The following STIL variants were observed in gnomAD, a reference collection of about 807,000 sequenced individuals.
STIL encodes SCL-interrupting locus protein.
A neutral mutation model predicts 110.1 loss-of-function variants in STIL; 55 were observed. That is an observed-to-expected ratio of 0.50 (90% CI 0.40 to 0.63). The LOEUF (loss-of-function observed/expected upper bound fraction) is 0.63, where lower values mean the gene tolerates loss of function less well. Among genes scored for constraint, STIL ranks in the 20% least tolerant of loss-of-function variants. The pLI is 0.00. For synonymous variants in STIL, 481 were observed against 530.0 expected (o/e 0.91, Z 1.27); for missense variants, 1,358 against 1,530.0 (o/e 0.89, Z 1.87).
intron 14 of STIL, among the ~76,000 whole-genome samples, chr1:47,263,744 GTTTTTTTTTT>G (rs60915271): frequency 2.5e-4 from 25 of 98,304 alleles, no homozygotes; most frequent in Non-Finnish European, 3.4e-4. Context: ...TTCATTCCAA[GTTTTTTTTTT>G]TTTTTTTTTT....
chr1:47,274,702 T>TA (rs1177801134), intron 12 of STIL, among the ~76,000 whole-genome samples: 1,988 of 137,770 alleles, frequency 0.014, 41 homozygotes, highest in African/African-American at 0.047. Context: ...TCTTCTCCAT[T>TA]AAAAAAAAAA....
chr1:47,276,290 C>T (rs1644989079), intron 12 of STIL, among the ~76,000 whole-genome samples: 1 of 151,952 alleles, frequency 6.6e-6, no homozygotes, highest in Non-Finnish European at 1.5e-5. Context: ...GTGTGAGCCA[C>T]CGCACCTGGT....
chr1:47,263,000 T>C lies in STIL; in HGVS notation c.2732A>G (p.Asn911Ser). ...TGGTTCCTCTGATGTTTCAGAATTGTTACTGGCACCCCCTGTTGGTCCAGT... is the reference window on the plus strand; with the variant it reads ...TGGTTCCTCTGATGTTTCAGAATTGCTACTGGCACCCCCTGTTGGTCCAGT... ...LQTGPTGGASNNSETSEEPKI... is the reference protein window; with the variant it reads ...LQTGPTGGASSNSETSEEPKI... Residue 911 changes from asparagine (N) to serine (S), a missense_variant, in exon 15 of 17, where the codon AAC becomes AGC. Asn to Ser is a conservative substitution (Grantham distance 46). Transcript: ENST00000371877. 6.2e-7 allele frequency: 1 copy of C among 1,614,216 alleles called. No individual in the cohort carries two copies.
intron 3 of STIL, 121 bp downstream of exon 3, chr1:47,304,768 G>A: frequency 1.3e-6 from 1 of 797,106 alleles, no homozygotes; most frequent in East Asian, 2.7e-5. Flanking sequence ...CCTGAGGGGA[G>A]ATTCTAAAAG....
Position 47,311,283 on chromosome 1 carries a change from C to CTTT in STIL, c.-43-924_-43-922dup, listed in dbSNP as rs536667689. The stretch of plus-strand genomic sequence containing the variant: ...CAAATCCATTTTCTTTTCTTTTTTT[C>CTTT]TTTTTTTTTTTTTTTTGAAACAGGG... On this transcript the variant is annotated intron_variant, in intron 1 of 16. Transcript: ENST00000371877. Among the ~76,000 whole-genome samples the CTTT allele has an allele frequency of 2.7e-3, 354 of 132,204 alleles. 6 individuals carry two copies. The highest frequency in any genetic ancestry group is 9.7e-3 in the African/African-American group (344 of 35,500). 86.7% of individuals were successfully genotyped at this position (132,204 alleles called of 152,430 possible).
chr1:47,299,478 C>T (rs1432116940), intron 6 of STIL, among the ~76,000 whole-genome samples: 2 of 151,076 alleles, frequency 1.3e-5, no homozygotes, highest in South Asian at 2.1e-4. Flanking sequence ...TTGCAACCTC[C>T]ACCTCCCAGG....
In STIL at chr1:47,262,787, A is replaced by G. The variant is rs55740910; in HGVS notation, c.2829+116T>C. ...AAAGAAAAATTACATTGTTAATTAG[A>G]CAAAAAATCTTTTTATCTTAAGGTC... is the stretch of plus-strand genomic sequence containing the variant. On this transcript the variant is annotated intron_variant, in intron 15 of 16. Transcript: ENST00000371877. 7.4e-4 allele frequency: 675 copies of G among 912,604 alleles called. 1 individual carries two copies. The African/African-American group carries it at 0.01, about 14-fold the overall frequency. 56.5% of individuals were successfully genotyped at this position (912,604 alleles called of 1,614,324 possible). A position where few individuals can be genotyped will look rare whatever the true frequency, so the allele number is the denominator to read the frequency against.
chr1:47,301,832 C>T (rs1215390908), intron 4 of STIL, 84 bp from the exon 5 acceptor site: 2 of 1,284,636 alleles, frequency 1.6e-6, no homozygotes, highest in East Asian at 2.4e-5. Context: ...TATAGCAAAG[C>T]ACTTTGTTCA....
chr1:47,288,655 T>C (rs1645378404), intron 9 of STIL, among the ~76,000 whole-genome samples: 1 of 152,032 alleles, frequency 6.6e-6, no homozygotes, highest in African/African-American at 2.4e-5. Flanking sequence ...TTTTATTAGA[T>C]GATATAGTAA....
At chr1:47,282,724 G>A in intron 10 of STIL, 1 of 396,974 alleles carries the variant, frequency 2.5e-6, no homozygotes, top group Non-Finnish European at 4.7e-6. Flanking sequence ...TCAAGTCACT[G>A]GGCACCCTCT....
rs776739635 is a variant in STIL at position 47,301,547 on chromosome 1, T to G, written c.453+14A>C. 2 of 1,611,252 alleles carry G rather than the reference T, an allele frequency of 1.2e-6. No individual in the cohort carries two copies. Among genetic ancestry groups the G allele is most frequent in the Non-Finnish European group, 1.7e-6 (2 of 1,178,230 alleles). ...TTGTGTTGAATTAACTATCAAGTTGTCAATGAATCGCACCTTTAAAGCTGA... is the reference window on the plus strand; with the variant it reads ...TTGTGTTGAATTAACTATCAAGTTGGCAATGAATCGCACCTTTAAAGCTGA... On this transcript the variant is annotated intron_variant, in intron 5 of 16. Transcript: ENST00000371877.
rs1395806614 is a variant in STIL, at chr1:47,281,049, T to C, written c.1409A>G (p.Tyr470Cys). ...AACTTCTGGACTGTGTTTCTCATCA[T>C]AAAGCTGGGGTTGCAATGGCTTCAA... ...EHLKPLQPQL[Y>C]DEKHSPEVEA... Residue 470 changes from tyrosine to cysteine, a missense_variant, in exon 12 of 17, where the codon TAT becomes TGT. Tyr to Cys is a radical substitution (Grantham distance 194). Transcript: ENST00000371877. The C allele has an allele frequency of 1.2e-6, 2 of 1,614,162 alleles. No homozygotes were observed. The highest frequency in any genetic ancestry group is 1.3e-5 in the African/African-American group (1 of 75,052).
At chr1:47,268,666 G>T (rs1305967051) in intron 14 of STIL, among the ~76,000 whole-genome samples, 1 of 151,834 alleles carries the variant, frequency 6.6e-6, no homozygotes, top group Non-Finnish European at 1.5e-5. Context: ...GCTGAGGCAG[G>T]AGAATCACTT....
Position 47,289,604 on chromosome 1 carries a change from T to C in STIL, c.873-19A>G. ...AAAAACCCTGCACAAAAAAAGTCAT[T>C]TAATTAAAATTTAATGAGGATAACA... On this transcript the variant is annotated intron_variant, in intron 8 of 16. Transcript: ENST00000371877. The C allele has an allele frequency of 6.3e-7, 1 of 1,599,896 alleles. No individual in the cohort carries two copies. The highest frequency in any genetic ancestry group is 8.6e-7 in the Non-Finnish European group (1 of 1,167,566).
chr1:47,272,298 A>G, intron 12 of STIL, 57 bp from the exon 13 acceptor site: 1 of 1,585,546 alleles, frequency 6.3e-7, no homozygotes. Context: ...CAAAACTGGC[A>G]GCAGTTTAAT....
rs781252642 is a variant in STIL at position 47,301,680 on chromosome 1, T to C, written c.334A>G (p.Ile112Val). 2.2e-5 allele frequency: 35 copies of C among 1,613,968 alleles called. No individual in the cohort carries two copies. The South Asian group carries it at 3.8e-4, about 18-fold the overall frequency. The change falls in exon 5 of 17, where the codon ATA becomes GTA. Residue 112 changes from isoleucine to valine, a missense_variant. Physicochemically the swap from Ile to Val is conservative, Grantham distance 29. Transcript: ENST00000371877. ...CCAGGAAGAGAAGCAGTAGGGGTTA[T>C]TTCTAGGCATTCAGGTACTTCTCGA... ...PGREVPECLE[I>V]TPTASLPGDF...
At chr1:47,254,180 CAAAAAAAAAAAAAAAAA>C (rs59259774) in intron 16 of STIL, among the ~76,000 whole-genome samples, 1 of 61,408 alleles carries the variant, frequency 1.6e-5, no homozygotes. Context: ...GACTCTGTCT[CAAAAAAAAAAAAAAAAA>C]AAAAAAAAAA....
intron 2 of STIL, among the ~76,000 whole-genome samples, chr1:47,305,725 CTT>C (rs71572652): frequency 0.037 from 1,624 of 43,346 alleles, 44 homozygotes; most frequent in African/African-American, 0.16. Flanking sequence ...CACGCCTGGC[CTT>C]TTTTTTTTTT....
In STIL at chr1:47,258,478, AAAG is replaced by A. The variant is rs560368098; in HGVS notation, c.3080+1808_3080+1810del. On this transcript the variant is annotated intron_variant, in intron 16 of 16. Transcript: ENST00000371877. ...CAATATATTCTAGTACAAGGGTACA[AAAG>A]AATATTATGCAGCTGTTTAAATACA... Among the ~76,000 whole-genome samples, 415 of 152,346 alleles carry A rather than the reference AAAG, an allele frequency of 2.7e-3. 3 individuals carry two copies. The highest frequency in any genetic ancestry group is 9.1e-3 in the African/African-American group (380 of 41,590).
Sources: allele counts gnomAD v4.1 joint callset (sites outside exome capture counted in the v4.1 genomes callset), GRCh38; gene constraint gnomAD v4.1.1; transcripts MANE v1.5; gene names NCBI Gene and HGNC (gene_info 2026-07-23, HGNC 2026-07-21).